Variants in ROCK2 observed in about 807,000 individuals in gnomAD.
The protein encoded by ROCK2 is rho-associated protein kinase 2.
ROCK2 carries 61 observed loss-of-function variants against 195.1 expected under a neutral mutation model. The ratio of observed to expected loss-of-function variants is 0.31; its 90% CI spans 0.25 to 0.39. ROCK2 has a LOEUF of 0.39. Among genes scored for constraint, ROCK2 ranks in the 10% least tolerant of loss-of-function variants. The pLI is 1.00. For missense variants in ROCK2, 1,109 were observed against 1,637.4 expected (o/e 0.68, Z 5.57); for synonymous variants, 504 against 545.5 (o/e 0.92, Z 1.06).
At chr2:11,222,062 T>C (rs768382382) in intron 8 of ROCK2, 21 bp downstream of exon 8, 1 of 1,393,334 alleles carries the variant, frequency 7.2e-7, no homozygotes, top group Non-Finnish European at 1.0e-6. Flanking sequence ...GGAATGAAAA[T>C]ATTTAGGTTT....
At chr2:11,317,582 A>ATCTATATATATATATATATATC (rs1167098221) in intron 1 of ROCK2, among the ~76,000 whole-genome samples, 1 of 11,422 alleles carries the variant, frequency 8.8e-5, no homozygotes, top group African/African-American at 2.9e-4. Context: ...ACATTTATAT[A>ATCTATATATATATATATATATC]TATATATATA....
At chr2:11,285,356 C>T (rs554347639) in intron 3 of ROCK2, among the ~76,000 whole-genome samples, 56 of 151,890 alleles carry the variant, frequency 3.7e-4, no homozygotes, top group Non-Finnish European at 8.1e-4. Flanking sequence ...ATGCTTTCAC[C>T]AGCCTCCTTG....
chr2:11,326,771 G>A (rs529131727), intron 1 of ROCK2, among the ~76,000 whole-genome samples: 3 of 152,244 alleles, frequency 2.0e-5, no homozygotes, highest in East Asian at 1.9e-4. Context: ...ATCAGCCTGA[G>A]GCAGCATGAG....
At chr2:11,304,244 C>G (rs1373454490) in intron 1 of ROCK2, among the ~76,000 whole-genome samples, 4 of 152,144 alleles carry the variant, frequency 2.6e-5, no homozygotes, top group African/African-American at 9.7e-5. Flanking sequence ...GTAAGTATTT[C>G]AAACAATAAT....
intron 5 of ROCK2, among the ~76,000 whole-genome samples, chr2:11,229,741 C>T (rs1664939600): frequency 6.6e-6 from 1 of 151,748 alleles, no homozygotes; most frequent in Admixed American, 6.6e-5. Flanking sequence ...TAACACAATA[C>T]TGTAAGACTA....
chr2:11,314,370 C>T (rs1329206755), intron 1 of ROCK2, among the ~76,000 whole-genome samples: 2 of 151,792 alleles, frequency 1.3e-5, no homozygotes, highest in Non-Finnish European at 2.9e-5. Flanking sequence ...TGTTTAGTTA[C>T]TATTATTCAC....
intron 1 of ROCK2, among the ~76,000 whole-genome samples, chr2:11,330,583 C>A (rs72789546): frequency 1.3e-5 from 2 of 151,934 alleles, no homozygotes; most frequent in Non-Finnish European, 2.9e-5. Context: ...GGTTTTAAAA[C>A]GAAAAACTTT....
At chr2:11,286,781 T>G in intron 2 of ROCK2, 142 bp from the exon 3 acceptor site, 2 of 527,344 alleles carry the variant, frequency 3.8e-6, no homozygotes, top group Non-Finnish European at 6.6e-6. Context: ...TAGTTAAAAA[T>G]CTAAGATATA....
intron 5 of ROCK2, 110 bp from the exon 6 acceptor site, chr2:11,227,508 C>T (rs1664857135): frequency 4.1e-6 from 4 of 984,076 alleles, no homozygotes; most frequent in Non-Finnish European, 5.9e-6. Flanking sequence ...TATTGCTAAC[C>T]AACAGAACTT....
rs1033552180 is a variant in ROCK2, at chr2:11,211,067, G to A, written c.2203+614C>T. Among the ~76,000 whole-genome samples the A allele has an allele frequency of 5.9e-5, 9 of 152,276 alleles. No homozygotes were observed. The East Asian group carries it at 1.7e-3, about 29-fold the overall frequency. On this transcript the variant is annotated intron_variant, in intron 18 of 32. Transcript: ENST00000315872. Reference sequence around the variant, plus strand: ...ATTTCAGAGTCATTATAAACAGTCAGTTTGGAAAAGAAAAAATTATCCTAA... The same window carrying A: ...ATTTCAGAGTCATTATAAACAGTCAATTTGGAAAAGAAAAAATTATCCTAA...
At chr2:11,326,120 T>C (rs928205692) in intron 1 of ROCK2, among the ~76,000 whole-genome samples, 8 of 152,118 alleles carry the variant, frequency 5.3e-5, no homozygotes, top group African/African-American at 1.9e-4. Flanking sequence ...TAGCTGGATA[T>C]GTGAGCCAGA....
chr2:11,330,685 A>G (rs1417296854), intron 1 of ROCK2, among the ~76,000 whole-genome samples: 3 of 141,252 alleles, frequency 2.1e-5, no homozygotes, highest in African/African-American at 5.1e-5. Context: ...AAAAAGTCTC[A>G]AAAAAAGGAG....
At chr2:11,341,301 A>G (rs1292760062) in intron 1 of ROCK2, among the ~76,000 whole-genome samples, 1 of 152,214 alleles carries the variant, frequency 6.6e-6, no homozygotes, top group African/African-American at 2.4e-5. Flanking sequence ...CTGATGACAA[A>G]TTCAAATGAT....
At chr2:11,249,872 G>T in intron 3 of ROCK2, 74 bp from the exon 4 acceptor site, 2 of 1,205,282 alleles carry the variant, frequency 1.7e-6, no homozygotes, top group Non-Finnish European at 2.2e-6. Context: ...ATACTATAAT[G>T]CTATTATTAA....
chr2:11,343,710 G>A (rs1439470498), intron 1 of ROCK2, among the ~76,000 whole-genome samples: 1 of 152,186 alleles, frequency 6.6e-6, no homozygotes, highest in African/African-American at 2.4e-5. Context: ...CCCAGAGTGG[G>A]CAGGCGGAAG....
chr2:11,311,899 T>C (rs980878516), intron 1 of ROCK2, among the ~76,000 whole-genome samples: 9 of 152,212 alleles, frequency 5.9e-5, no homozygotes, highest in African/African-American at 2.2e-4. Context: ...TCCAGAATTA[T>C]CTAGAAAGGC....
intron 1 of ROCK2, among the ~76,000 whole-genome samples, chr2:11,329,877 T>C (rs1475134908): frequency 6.6e-6 from 1 of 152,240 alleles, no homozygotes; most frequent in Non-Finnish European, 1.5e-5. Context: ...TAATTTTAAA[T>C]GTTGCAACCA....
chr2:11,341,832 AAT>A (rs1299005633), intron 1 of ROCK2, among the ~76,000 whole-genome samples: 1 of 152,174 alleles, frequency 6.6e-6, no homozygotes, highest in Non-Finnish European at 1.5e-5. Context: ...TATTTCAGGA[AAT>A]ATAATTTTTA....
intron 5 of ROCK2, among the ~76,000 whole-genome samples, chr2:11,228,241 T>C (rs1260935370): frequency 6.6e-6 from 1 of 152,178 alleles, no homozygotes; most frequent in African/African-American, 2.4e-5. Flanking sequence ...AAAGAGTGTG[T>C]TGCCCACATT....
Sources: allele counts gnomAD v4.1 joint callset (sites outside exome capture counted in the v4.1 genomes callset), GRCh38; gene constraint gnomAD v4.1.1; transcripts MANE v1.5; gene names NCBI Gene and HGNC (gene_info 2026-07-23, HGNC 2026-07-21).